Variants in SLC24A2 observed in about 807,000 individuals in gnomAD.
SLC24A2 encodes the protein solute carrier family 24 member 2, also known as sodium/potassium/calcium exchanger 2.
In SLC24A2, 36 loss-of-function variants were observed where a neutral mutation model predicts 62.0. That is an observed-to-expected ratio of 0.58 (90% CI 0.44 to 0.77). The LOEUF is 0.77. Ranked by LOEUF, SLC24A2 falls within the 30% of genes least tolerant of loss-of-function variation. The probability of loss-of-function intolerance (pLI) is 0.00; values close to 1 mark genes in which losing one functional copy is unlikely to be tolerated. For synonymous variants in SLC24A2, 358 were observed against 294.0 expected, an observed-to-expected ratio of 1.22 and a Z score of -2.23; for missense variants, 846 against 817.9, an observed-to-expected ratio of 1.03 and a Z score of -0.42.
intron 2 of SLC24A2, among the ~76,000 whole-genome samples, chr9:19,623,193 T>C (rs1817951934): frequency 6.6e-6 from 1 of 152,192 alleles, no homozygotes; most frequent in Non-Finnish European, 1.5e-5. Flanking sequence ...TCCAACGAGA[T>C]ACAGGTGCCT....
the SLC24A2 span, among the ~76,000 whole-genome samples, chr9:20,097,975 C>G: frequency 6.6e-6 from 1 of 151,758 alleles, no homozygotes; most frequent in African/African-American, 2.4e-5. Context: ...ATCTCCTGAC[C>G]TCGTGATTCG....
rs1452738291 is a variant in SLC24A2, at chr9:19,695,638, G to A, written c.931-73339C>T. ...GAAATTCTTGTACATGTCACTAGGAGAGATGCACAGATTATTCATAGCAGC... is the reference window on the plus strand; with the variant it reads ...GAAATTCTTGTACATGTCACTAGGAAAGATGCACAGATTATTCATAGCAGC... On this transcript the variant is annotated intron_variant, in intron 2 of 10. Coordinates refer to ENST00000341998, the MANE Select transcript of SLC24A2 (RefSeq NM_020344.4). 2.5e-5 allele frequency among the ~76,000 whole-genome samples: 3 copies of A among 121,410 alleles called. No homozygotes were observed. In the East Asian group the frequency reaches 8.0e-4, roughly 32 times the overall value. The allele number at this position is 121,410 out of a possible 152,430, so 79.6% of individuals were successfully genotyped here.
At chr9:19,636,315 T>TTTCTTTCTCTCTC (rs1554690361) in intron 2 of SLC24A2, among the ~76,000 whole-genome samples, 5 of 40,328 alleles carry the variant, frequency 1.2e-4, no homozygotes, top group African/African-American at 5.8e-4. Context: ...TTTTCTTTTC[T>TTTCTTTCTCTCTC]TTTCTTTCTT....
chr9:19,782,299 C>T (rs569059212), intron 2 of SLC24A2, among the ~76,000 whole-genome samples: 1 of 152,284 alleles, frequency 6.6e-6, no homozygotes, highest in Admixed American at 6.5e-5. Flanking sequence ...AAACTTATTC[C>T]TAACCAGCTA....
At chr9:19,972,201 A>AAG in the SLC24A2 span, among the ~76,000 whole-genome samples, 2 of 152,172 alleles carry the variant, frequency 1.3e-5, no homozygotes, top group Non-Finnish European at 2.9e-5. Context: ...AGGGAATAGA[A>AAG]AGAGAGAGAG....
chr9:19,717,993 T>C (rs1287778508), intron 2 of SLC24A2, among the ~76,000 whole-genome samples: 3 of 151,204 alleles, frequency 2.0e-5, no homozygotes, highest in African/African-American at 7.3e-5. Context: ...TTTTTTTTTT[T>C]TAAAACGGAG....
intron 2 of SLC24A2, among the ~76,000 whole-genome samples, chr9:19,695,657 T>C (rs1358796112): frequency 2.7e-5 from 3 of 112,640 alleles, no homozygotes; most frequent in Admixed American, 1.3e-4. Context: ...AGATTATTCA[T>C]AGCAGCATTG....
chr9:19,765,400 T>G (rs1442854021), intron 2 of SLC24A2, among the ~76,000 whole-genome samples: 1 of 152,210 alleles, frequency 6.6e-6, no homozygotes, highest in African/African-American at 2.4e-5. Context: ...GCCGATGGTC[T>G]TTACATTTTG....
the SLC24A2 span, among the ~76,000 whole-genome samples, chr9:19,966,547 C>T: frequency 1.9e-4 from 29 of 152,138 alleles, no homozygotes; most frequent in Admixed American, 6.5e-5. Flanking sequence ...ATACAATCAA[C>T]TCTAGACACT....
the SLC24A2 span, among the ~76,000 whole-genome samples, chr9:20,111,636 T>C: frequency 1.3e-5 from 2 of 152,122 alleles, no homozygotes; most frequent in African/African-American, 2.4e-5. Context: ...GGGCCCCTCC[T>C]AGACCTACTG....
the SLC24A2 span, among the ~76,000 whole-genome samples, chr9:20,037,253 G>T: frequency 6.6e-6 from 1 of 152,128 alleles, no homozygotes; most frequent in African/African-American, 2.4e-5. Flanking sequence ...TAAAGACTAT[G>T]TAAATATTGT....
chr9:20,242,605 A>T, the SLC24A2 span, among the ~76,000 whole-genome samples: 1 of 152,100 alleles, frequency 6.6e-6, no homozygotes, highest in East Asian at 1.9e-4. Flanking sequence ...TGAAAATTCC[A>T]ACTTAAGGTG....
At chr9:19,738,530 A>G (rs1377267588) in intron 2 of SLC24A2, among the ~76,000 whole-genome samples, 1 of 152,194 alleles carries the variant, frequency 6.6e-6, no homozygotes, top group Non-Finnish European at 1.5e-5. Flanking sequence ...AAATGAAAGG[A>G]TTAGAAAGGC....
intron 2 of SLC24A2, among the ~76,000 whole-genome samples, chr9:19,720,287 AT>A (rs1027893529): frequency 6.6e-6 from 1 of 152,230 alleles, no homozygotes; most frequent in African/African-American, 2.4e-5. Context: ...AAAATATTAC[AT>A]CTTAAGAACT....
At chr9:19,970,914 T>A in the SLC24A2 span, among the ~76,000 whole-genome samples, 2 of 152,190 alleles carry the variant, frequency 1.3e-5, no homozygotes, top group African/African-American at 4.8e-5. Flanking sequence ...AAATATAAGA[T>A]AATGGAAGGT....
Position 19,511,603 on chromosome 9 carries a change from G to C in SLC24A2, c.*4550C>G, listed in dbSNP as rs1832719016. ...AGGCCTTACCTAATAATTGAAGACA[G>C]TATTGTTGAGACAGGTATAGGGGTT... On this transcript the variant is annotated 3_prime_UTR_variant, in exon 11 of 11. Coordinates refer to ENST00000341998, the MANE Select transcript of SLC24A2 (RefSeq NM_020344.4). The C allele has an allele frequency of 6.6e-6, 1 of 152,072 alleles. No homozygotes were observed. The highest frequency in any genetic ancestry group is 1.5e-5 in the Non-Finnish European group (1 of 68,026). The allele number at this position is 152,072 out of a possible 1,614,324, so 9.4% of individuals were successfully genotyped here. A position where few individuals can be genotyped will look rare whatever the true frequency, so the allele number is the denominator to read the frequency against.
intron 4 of SLC24A2, among the ~76,000 whole-genome samples, chr9:19,617,850 G>A (rs1817809687): frequency 6.6e-6 from 1 of 152,214 alleles, no homozygotes. Context: ...GATTACTTGG[G>A]CTGCTGCATG....
At chr9:20,084,863 T>A in the SLC24A2 span, among the ~76,000 whole-genome samples, 1 of 152,192 alleles carries the variant, frequency 6.6e-6, no homozygotes, top group Non-Finnish European at 1.5e-5. Context: ...GGAATCTAGT[T>A]ATGAAAGATA....
chr9:20,142,963 C>G, the SLC24A2 span, among the ~76,000 whole-genome samples: 2 of 152,164 alleles, frequency 1.3e-5, no homozygotes, highest in Non-Finnish European at 2.9e-5. Flanking sequence ...CATGCTCGCT[C>G]CATTCAATGC....
Sources: gnomAD v4.1 joint callset for allele counts (sites outside exome capture counted in the v4.1 genomes callset) on GRCh38, gnomAD v4.1.1 for gene constraint, MANE v1.5 for transcripts, NCBI Gene and HGNC (gene_info 2026-07-23, HGNC 2026-07-21) for gene names.